The following PURB variants were observed in gnomAD, a reference collection of about 807,000 sequenced individuals.
PURB encodes the protein purine rich element binding protein B.
A neutral mutation model predicts 21.1 loss-of-function variants in PURB; 11 were observed. That is an observed-to-expected ratio of 0.52 (90% CI 0.33 to 0.86). PURB has a LOEUF of 0.86. Among genes scored for constraint, PURB ranks in the 40% least tolerant of loss-of-function variants. The pLI, the probability that PURB is intolerant of heterozygous loss-of-function variation, is 0.02. For synonymous variants in PURB, 246 were observed against 210.8 expected (o/e 1.17, Z -1.45); for missense variants, 357 against 456.5 (o/e 0.78, Z 1.99).
chr7:44,879,326 C>CT lies in PURB; in HGVS notation c.*5083_*5084insA, dbSNP rs768915384. 6.6e-6 allele frequency: 1 copy of CT among 152,152 alleles called. No homozygotes were observed. Among genetic ancestry groups the CT allele is most frequent in the Non-Finnish European group, 1.5e-5 (1 of 68,032 alleles). 9.4% of individuals were successfully genotyped at this position (152,152 alleles called of 1,614,324 possible). ...ACAGGCGTGAGCCACCACGCCCGGC[C>CT]GCATTTGGAATCTCAAATGGAGCAT... is the stretch of plus-strand genomic sequence containing the variant. On this transcript the variant is annotated 3_prime_UTR_variant, in exon 1 of 1. Coordinates refer to ENST00000395699, the MANE Select transcript of PURB (RefSeq NM_033224.5).
In PURB at chr7:44,879,670, C is replaced by T. The variant is rs1305593109; in HGVS notation, c.*4740G>A. Reference sequence around the variant, plus strand: ...AATTGTGAATGCAGCATTATTTACTCTCCCATCCATTGGAAACTAGCAAAA... The same window carrying T: ...AATTGTGAATGCAGCATTATTTACTTTCCCATCCATTGGAAACTAGCAAAA... On this transcript the variant is annotated 3_prime_UTR_variant, in exon 1 of 1. Coordinates refer to ENST00000395699, the MANE Select transcript of PURB (RefSeq NM_033224.5). The T allele has an allele frequency of 6.6e-6, 1 of 152,576 alleles. No homozygotes were observed. Among genetic ancestry groups the T allele is most frequent in the Non-Finnish European group, 1.5e-5 (1 of 68,038 alleles). The allele number at this position is 152,576 out of a possible 1,614,324, so 9.5% of individuals were successfully genotyped here.
chr7:44,880,358 T>C lies in PURB; in HGVS notation c.*4052A>G, dbSNP rs921451187. 1.3e-5 allele frequency: 2 copies of C among 152,672 alleles called. No individual in the cohort carries two copies. The highest frequency in any genetic ancestry group is 6.5e-5 in the Admixed American group (1 of 15,274). The allele number at this position is 152,672 out of a possible 1,614,324, so 9.5% of individuals were successfully genotyped here. A position where few individuals can be genotyped will look rare whatever the true frequency, so the allele number is the denominator to read the frequency against. Reference sequence around the variant, plus strand: ...TATCTACTGAGAGATCAGTTGTGCATTGGATAAAGTACCATAATTGGGTTA... The same window carrying C: ...TATCTACTGAGAGATCAGTTGTGCACTGGATAAAGTACCATAATTGGGTTA... On this transcript the variant is annotated 3_prime_UTR_variant, in exon 1 of 1. Transcript: ENST00000395699.
chr7:44,884,578 G>A lies in PURB; in HGVS notation c.771C>T (p.Ala257=), dbSNP rs769980591. 4 of 1,614,102 alleles carry A rather than the reference G, an allele frequency of 2.5e-6. No individual in the cohort carries two copies. The highest frequency in any genetic ancestry group is 1.6e-4 in the Middle Eastern group (1 of 6,084). Residue 257 remains alanine (A), a synonymous_variant, in exon 1 of 1, where the codon GCC becomes GCT. Coordinates refer to ENST00000395699, the MANE Select transcript of PURB (RefSeq NM_033224.5). ...CCCAGGCTTTGAAGGGTACGGTGATGGCATTGCGGTAGGACGGCTTCACCT... is the reference window on the plus strand; with the variant it reads ...CCCAGGCTTTGAAGGGTACGGTGATAGCATTGCGGTAGGACGGCTTCACCT... ...VSEVKPSYRN[A]ITVPFKAWGK... is the part of the protein sequence containing the mutation.
rs563207422 is a variant in PURB at position 44,878,800 on chromosome 7, A to C, written c.*5610T>G. ...AATTTTCAGTACTGATAATTGGACA[A>C]TTTTCAAGTAAGAGTCTGTTAAATC... On this transcript the variant is annotated 3_prime_UTR_variant, in exon 1 of 1. Transcript: ENST00000395699. 3.3e-5 allele frequency: 5 copies of C among 152,572 alleles called. No individual in the cohort carries two copies. The highest frequency in any genetic ancestry group is 1.2e-4 in the African/African-American group (5 of 41,554). 9.5% of individuals were successfully genotyped at this position (152,572 alleles called of 1,614,324 possible).
rs1793921526 is a variant in PURB at position 44,884,238 on chromosome 7, T to A, written c.*172A>T. On this transcript the variant is annotated 3_prime_UTR_variant, in exon 1 of 1. Transcript: ENST00000395699. ...GAACTTGACTGCTTTTCTCAAGTTG[T>A]CCGTCACTGTTCTCTTACGATTATT... is the stretch of plus-strand genomic sequence containing the variant. 2 of 1,389,770 alleles carry A rather than the reference T, an allele frequency of 1.4e-6. No homozygotes were observed. The highest frequency in any genetic ancestry group is 1.5e-5 in the African/African-American group (1 of 68,744). 86.1% of individuals were successfully genotyped at this position (1,389,770 alleles called of 1,614,324 possible).
chr7:44,877,352 A>G lies in PURB; in HGVS notation c.*7058T>C, dbSNP rs1469665723. 2 of 152,256 alleles carry G rather than the reference A, an allele frequency of 1.3e-5. No homozygotes were observed. Among genetic ancestry groups the G allele is most frequent in the Non-Finnish European group, 2.9e-5 (2 of 68,040 alleles). The allele number at this position is 152,256 out of a possible 1,614,324, so 9.4% of individuals were successfully genotyped here. A position where few individuals can be genotyped will look rare whatever the true frequency, so the allele number is the denominator to read the frequency against. ...AAAAAGAAGTCCAGATACACTGACG[A>G]TCTTAGTTACTATTCAAATATTGGT... is the stretch of plus-strand genomic sequence containing the variant. On this transcript the variant is annotated 3_prime_UTR_variant, in exon 1 of 1. Transcript: ENST00000395699.
Position 44,882,486 on chromosome 7 carries a change from C to G in PURB, c.*1924G>C, listed in dbSNP as rs987434109. On this transcript the variant is annotated 3_prime_UTR_variant, in exon 1 of 1. Transcript: ENST00000395699. Reference sequence around the variant, plus strand: ...GCTCTTCCACTTTTTAATCTAAGATCAACAATATTCTGCATCATAATCTAT... The same window carrying G: ...GCTCTTCCACTTTTTAATCTAAGATGAACAATATTCTGCATCATAATCTAT... 1.3e-5 allele frequency: 2 copies of G among 152,464 alleles called. No individual in the cohort carries two copies. Among genetic ancestry groups the G allele is most frequent in the Non-Finnish European group, 2.9e-5 (2 of 68,004 alleles). The allele number at this position is 152,464 out of a possible 1,614,324, so 9.4% of individuals were successfully genotyped here. A position where few individuals can be genotyped will look rare whatever the true frequency, so the allele number is the denominator to read the frequency against.
chr7:44,884,446 G>A lies in PURB; in HGVS notation c.903C>T (p.Gly301=). The part of the protein sequence containing the change: ...YERRGGGSGG[G]EESEGEEVDE... Reference sequence around the variant, plus strand: ...CCACCTCCTCACCCTCTGACTCTTCGCCGCCGCCGCTGCCCCCACCACGTC... The same window carrying A: ...CCACCTCCTCACCCTCTGACTCTTCACCGCCGCCGCTGCCCCCACCACGTC... The change falls in exon 1 of 1, where the codon GGC becomes GGT. Residue 301 remains glycine (G), a synonymous_variant. Coordinates refer to ENST00000395699, the MANE Select transcript of PURB (RefSeq NM_033224.5). 6 of 1,613,308 alleles carry A rather than the reference G, an allele frequency of 3.7e-6. No individual in the cohort carries two copies. Among genetic ancestry groups the A allele is most frequent in the Admixed American group, 1.7e-5 (1 of 60,002 alleles).
chr7:44,884,867 G>A lies in PURB; in HGVS notation c.482C>T (p.Pro161Leu), dbSNP rs575521615. 31 of 1,557,392 alleles carry A rather than the reference G, an allele frequency of 2.0e-5. No individual in the cohort carries two copies. The highest frequency in any genetic ancestry group is 1.7e-4 in the African/African-American group (12 of 72,546). The change falls in exon 1 of 1, where the codon CCC (proline) becomes CTC (leucine). Residue 161 changes from proline (P) to leucine (L), a missense_variant. Coordinates refer to ENST00000395699, the MANE Select transcript of PURB (RefSeq NM_033224.5). ...GCCGCTCTGCAAGCCGCCCGGCCCG[G>A]GGCCCGCGCCGAAGCCGCCACCGCC... Reference protein sequence around the residue: ...NRGGGGFGAGPGPGGLQSGQT... With the variant: ...NRGGGGFGAGLGPGGLQSGQT...
In PURB at chr7:44,877,089, AATTC is replaced by A. The variant is rs1793811762; in HGVS notation, c.*7317_*7320del. The A allele has an allele frequency of 6.6e-6, 1 of 152,620 alleles. No individual in the cohort carries two copies. The highest frequency in any genetic ancestry group is 1.5e-5 in the Non-Finnish European group (1 of 68,040). The allele number at this position is 152,620 out of a possible 1,614,324, so 9.5% of individuals were successfully genotyped here. A position where few individuals can be genotyped will look rare whatever the true frequency, so the allele number is the denominator to read the frequency against. On this transcript the variant is annotated 3_prime_UTR_variant, in exon 1 of 1. Coordinates refer to ENST00000395699, the MANE Select transcript of PURB (RefSeq NM_033224.5). ...TCTCCTGCTATCAAGATTTGGTTTT[AATTC>A]ATTCAAATTATTTCTGTAGATTCTC... is the stretch of plus-strand genomic sequence containing the variant.
rs1793881305 is a variant in PURB, at chr7:44,881,910, AAAAAG to A, written c.*2495_*2499del. 6.5e-6 allele frequency: 1 copy of A among 154,716 alleles called. No homozygotes were observed. The highest frequency in any genetic ancestry group is 6.5e-5 in the Admixed American group (1 of 15,278). The allele number at this position is 154,716 out of a possible 1,614,324, so 9.6% of individuals were successfully genotyped here. On this transcript the variant is annotated 3_prime_UTR_variant, in exon 1 of 1. Coordinates refer to ENST00000395699, the MANE Select transcript of PURB (RefSeq NM_033224.5). Reference sequence around the variant, plus strand: ...GCTAGTTACTGCAATTCAGCCAAACAAAAAGAAAAAAGAATAAACCAACCCCTTAA... The same window carrying A: ...GCTAGTTACTGCAATTCAGCCAAACAAAAAAAGAATAAACCAACCCCTTAA...
rs1407656193 is a variant in PURB, at chr7:44,876,980, CAG to C, written c.*7428_*7429del. On this transcript the variant is annotated 3_prime_UTR_variant, in exon 1 of 1. Transcript: ENST00000395699. ...ATGCATAAGCATGTGGGTATTTACA[CAG>C]AGATTGAAGACATCCCCAAAAAACA... 3 of 152,622 alleles carry C rather than the reference CAG, an allele frequency of 2.0e-5. No individual in the cohort carries two copies. The highest frequency in any genetic ancestry group is 7.2e-5 in the African/African-American group (3 of 41,458). 9.5% of individuals were successfully genotyped at this position (152,622 alleles called of 1,614,324 possible). A position where few individuals can be genotyped will look rare whatever the true frequency, so the allele number is the denominator to read the frequency against.
chr7:44,884,650 G>A lies in PURB; in HGVS notation c.699C>T (p.Phe233=), dbSNP rs764843832. 77 of 1,614,096 alleles carry A rather than the reference G, an allele frequency of 4.8e-5. No homozygotes were observed. The South Asian group carries it at 5.2e-4, about 11-fold the overall frequency. ...TSITVDSKRF[F]FDVGCNKYGV... ...CGTATTTGTTGCAGCCCACATCGAA[G>A]AAGAAGCGCTTGGAGTCCACGGTGA... The change falls in exon 1 of 1, where the codon TTC becomes TTT. Residue 233 remains phenylalanine (F), a synonymous_variant. Transcript: ENST00000395699.
chr7:44,885,122 G>C lies in PURB; in HGVS notation c.227C>G (p.Ser76Cys). Residue 76 changes from serine to cysteine, a missense_variant, in exon 1 of 1, where the codon TCC (serine) becomes TGC (cysteine). Transcript: ENST00000395699. ...GCGGAACTCGGCGGCCACCGCCATG[G>C]ACAGCGTGAGGCGGCTCTTGGAACC... ...AGGSKSRLTLSMAVAAEFRDS... is the reference protein window; with the variant it reads ...AGGSKSRLTLCMAVAAEFRDS... 1.3e-6 allele frequency: 2 copies of C among 1,576,226 alleles called. No homozygotes were observed. Among genetic ancestry groups the C allele is most frequent in the Non-Finnish European group, 1.7e-6 (2 of 1,166,520 alleles).
chr7:44,876,336 A>C lies in PURB; in HGVS notation c.*8074T>G, dbSNP rs1469555482. 1 of 152,616 alleles carries C rather than the reference A, an allele frequency of 6.6e-6. No individual in the cohort carries two copies. The highest frequency in any genetic ancestry group is 6.6e-5 in the Admixed American group (1 of 15,266). 9.5% of individuals were successfully genotyped at this position (152,616 alleles called of 1,614,324 possible). ...CATACTTTATTTGTTACAAACATAC[A>C]ATTTTTTTTAAATATAGACTGTAAA... is the stretch of plus-strand genomic sequence containing the variant. On this transcript the variant is annotated 3_prime_UTR_variant, in exon 1 of 1. Transcript: ENST00000395699.
Position 44,884,915 on chromosome 7 carries a change from C to T in PURB, c.434G>A (p.Arg145His). ...GCCGCGGTTGACCGTTTGGCGGATGCGCAGGAAGCGGCCGCGCTGGTTCTC... is the reference window on the plus strand; with the variant it reads ...GCCGCGGTTGACCGTTTGGCGGATGTGCAGGAAGCGGCCGCGCTGGTTCTC... The part of the protein sequence containing the change: ...LKENQRGRFL[R>H]IRQTVNRGGG... Residue 145 changes from arginine (R) to histidine (H), a missense_variant, in exon 1 of 1, where the codon CGC (arginine) becomes CAC (histidine). Coordinates refer to ENST00000395699, the MANE Select transcript of PURB (RefSeq NM_033224.5). The T allele has an allele frequency of 6.3e-7, 1 of 1,579,686 alleles. No individual in the cohort carries two copies. Among genetic ancestry groups the T allele is most frequent in the Admixed American group, 1.8e-5 (1 of 54,790 alleles).
At position 44,881,451 on chromosome 7, in the gene PURB, C is replaced by T. The variant is rs1015245932; in HGVS notation, c.*2959G>A. The T allele has an allele frequency of 2.0e-5, 3 of 152,554 alleles. No individual in the cohort carries two copies. Among genetic ancestry groups the T allele is most frequent in the African/African-American group, 7.2e-5 (3 of 41,422 alleles). 9.5% of individuals were successfully genotyped at this position (152,554 alleles called of 1,614,324 possible). On this transcript the variant is annotated 3_prime_UTR_variant, in exon 1 of 1. Transcript: ENST00000395699. ...GTGAAATGCTACAATTAATCCACAG[C>T]CTTCTGCAATCTTCCTGCAGTGGGA... is the stretch of plus-strand genomic sequence containing the variant.
In PURB at chr7:44,883,423, T is replaced by C. The variant is rs1793908149; in HGVS notation, c.*987A>G. On this transcript the variant is annotated 3_prime_UTR_variant, in exon 1 of 1. Coordinates refer to ENST00000395699, the MANE Select transcript of PURB (RefSeq NM_033224.5). ...AACAGCCGAATTAGCCATAATTCACTGGCTCACACAGTGGAGATCTGGCTC... is the reference window on the plus strand; with the variant it reads ...AACAGCCGAATTAGCCATAATTCACCGGCTCACACAGTGGAGATCTGGCTC... The C allele has an allele frequency of 6.6e-6, 1 of 152,658 alleles. No individual in the cohort carries two copies. The highest frequency in any genetic ancestry group is 1.9e-4 in the East Asian group (1 of 5,204). 9.5% of individuals were successfully genotyped at this position (152,658 alleles called of 1,614,324 possible).
In PURB at chr7:44,885,529, C is replaced by A. The variant is rs1348199939; in HGVS notation, c.-181G>T. 6.3e-6 allele frequency: 1 copy of A among 158,294 alleles called. No individual in the cohort carries two copies. Among genetic ancestry groups the A allele is most frequent in the South Asian group, 1.8e-4 (1 of 5,698 alleles). 9.8% of individuals were successfully genotyped at this position (158,294 alleles called of 1,614,324 possible). Reference sequence around the variant, plus strand: ...CCGCCCCCGCGACTTCCGTGCAGCCCTAGCCACTTCCGGCGCGCGATTTCC... The same window carrying A: ...CCGCCCCCGCGACTTCCGTGCAGCCATAGCCACTTCCGGCGCGCGATTTCC... On this transcript the variant is annotated 5_prime_UTR_variant, in exon 1 of 1. In the 5' UTR this introduces an upstream ATG that the reference lacks. Transcript: ENST00000395699.
Sources: gnomAD v4.1 joint callset for allele counts on GRCh38, gnomAD v4.1.1 for gene constraint, MANE v1.5 for transcripts, NCBI Gene and HGNC (gene_info 2026-07-23, HGNC 2026-07-21) for gene names.